The following PUM2 variants were observed in gnomAD, a reference collection of about 807,000 sequenced individuals.
PUM2 encodes pumilio homolog 2.
Under a neutral mutation model 124.5 loss-of-function variants are expected in PUM2, and 57 were observed. The observed-to-expected ratio is 0.46, with a 90% confidence interval of 0.37 to 0.57. PUM2 has a LOEUF of 0.57. PUM2 is among the 20% of genes least tolerant of loss of function. PUM2 has a pLI of 0.00. For missense variants in PUM2, 1,065 were observed against 1,290.6 expected, an observed-to-expected ratio of 0.83 and a Z score of 2.68; for synonymous variants, 460 against 446.1, an observed-to-expected ratio of 1.03 and a Z score of -0.39.
intron 13 of PUM2, among the ~76,000 whole-genome samples, chr2:20,265,178 G>C (rs1667350444): frequency 6.6e-6 from 1 of 151,684 alleles, no homozygotes; most frequent in Admixed American, 6.6e-5. Context: ...CTTGAACCCG[G>C]GATACGGAGG....
chr2:20,344,301 C>T (rs1687793588), intron 1 of PUM2, among the ~76,000 whole-genome samples: 1 of 152,174 alleles, frequency 6.6e-6, no homozygotes, highest in Admixed American at 6.5e-5. Flanking sequence ...TGCCTGAGCT[C>T]AAGCAGTCCA....
intron 1 of PUM2, 81 bp from the exon 2 acceptor site, chr2:20,327,459 C>A: frequency 1.2e-6 from 1 of 848,088 alleles, no homozygotes; most frequent in Non-Finnish European, 1.9e-6. Flanking sequence ...TATATTGCTG[C>A]TATGACTAAT....
intron 1 of PUM2, among the ~76,000 whole-genome samples, chr2:20,332,154 T>C (rs1270408585): frequency 6.6e-6 from 1 of 152,216 alleles, no homozygotes; most frequent in African/African-American, 2.4e-5. Context: ...TGCAGACCTC[T>C]GCTCTCATTC....
At chr2:20,255,877 T>C (rs989212479) in intron 17 of PUM2, among the ~76,000 whole-genome samples, 156 bp downstream of exon 17, 6 of 152,092 alleles carry the variant, frequency 3.9e-5, no homozygotes, top group African/African-American at 9.7e-5. Flanking sequence ...CTACTGACTA[T>C]GAAAGAGGAA....
At chr2:20,305,462 C>CAA (rs1558600560) in intron 7 of PUM2, among the ~76,000 whole-genome samples, 2 of 25,662 alleles carry the variant, frequency 7.8e-5, no homozygotes, top group Non-Finnish European at 7.8e-5. Flanking sequence ...ACCCTGTCTT[C>CAA]GAAAAAAAAA....
At position 20,251,518 on chromosome 2, in the gene PUM2, G is replaced by A; in HGVS notation, c.*67C>T. The A allele has an allele frequency of 6.8e-7, 1 of 1,473,366 alleles. No homozygotes were observed. The highest frequency in any genetic ancestry group is 9.2e-7 in the Non-Finnish European group (1 of 1,091,358). The allele number at this position is 1,473,366 out of a possible 1,614,324, so 91.3% of individuals were successfully genotyped here. A position where few individuals can be genotyped will look rare whatever the true frequency, so the allele number is the denominator to read the frequency against. ...AAGATTCATAGTTGAGTTGTGTTTTGATAATTCACACACAAAAAAATTCTT... is the reference window on the plus strand; with the variant it reads ...AAGATTCATAGTTGAGTTGTGTTTTAATAATTCACACACAAAAAAATTCTT... On this transcript the variant is annotated 3_prime_UTR_variant, in exon 21 of 21. Coordinates refer to ENST00000361078, the MANE Select transcript of PUM2 (RefSeq NM_015317.5).
At chr2:20,351,732 C>T (rs140198319), upstream of PUM2, among the ~76,000 whole-genome samples, 76 of 152,300 alleles carry the variant, frequency 5.0e-4, no homozygotes, top group Admixed American at 8.5e-4. Context: ...TTGCACAGCT[C>T]CTGGCTCTCC....
intron 2 of PUM2, among the ~76,000 whole-genome samples, chr2:20,326,071 T>C (rs1572942018): frequency 6.6e-6 from 1 of 152,216 alleles, no homozygotes. Context: ...AAAAGCCCTT[T>C]TCATCTGCCT....
chr2:20,290,822 A>C, intron 9 of PUM2, 32 bp from the exon 10 acceptor site: 1 of 1,466,904 alleles, frequency 6.8e-7, no homozygotes, highest in Non-Finnish European at 9.1e-7. Context: ...CTTAAAATCA[A>C]TATAAAATAA....
chr2:20,269,199 TAA>T (rs1176652510), intron 13 of PUM2, among the ~76,000 whole-genome samples: 2 of 151,710 alleles, frequency 1.3e-5, no homozygotes, highest in African/African-American at 4.8e-5. Context: ...TTAATAATAA[TAA>T]TAATTATTAT....
rs576357541 is a variant in PUM2 at position 20,320,620 on chromosome 2, T to C, written c.52-1975A>G. Among the ~76,000 whole-genome samples the C allele has an allele frequency of 1.4e-4, 22 of 152,208 alleles. 1 individual carries two copies. In the East Asian group the frequency reaches 3.9e-3, roughly 27 times the overall value. On this transcript the variant is annotated intron_variant, in intron 2 of 20. Transcript: ENST00000361078. ...TTTTTTAAAAAAAGTTTTTAAATGC[T>C]AGGATGGCCCTGGGCTGTAAATGAC...
intron 14 of PUM2, among the ~76,000 whole-genome samples, chr2:20,260,983 A>G (rs1666055825): frequency 6.6e-6 from 1 of 152,216 alleles, no homozygotes. Flanking sequence ...TGGTGGTCCC[A>G]TAAGATTATA....
At chr2:20,273,501 A>G (rs1008593595) in intron 13 of PUM2, among the ~76,000 whole-genome samples, 2 of 152,242 alleles carry the variant, frequency 1.3e-5, no homozygotes, top group Admixed American at 6.5e-5. Context: ...AATGTTATTA[A>G]AGGATAATAA....
chr2:20,266,028 C>T (rs534694157), intron 13 of PUM2, among the ~76,000 whole-genome samples: 1 of 152,232 alleles, frequency 6.6e-6, no homozygotes, highest in African/African-American at 2.4e-5. Flanking sequence ...TCTATCAGCT[C>T]CTAACAACAG....
intron 12 of PUM2, among the ~76,000 whole-genome samples, chr2:20,280,545 C>T (rs1163316957): frequency 6.6e-6 from 1 of 152,134 alleles, no homozygotes. Context: ...AAGACAACAG[C>T]TCTAATAAGA....
At chr2:20,304,779 T>C (rs1414880585) in intron 7 of PUM2, among the ~76,000 whole-genome samples, 3 of 152,234 alleles carry the variant, frequency 2.0e-5, no homozygotes, top group Non-Finnish European at 4.4e-5. Context: ...AAGAAAAGAA[T>C]GCAAAAATTC....
intron 14 of PUM2, among the ~76,000 whole-genome samples, chr2:20,261,730 C>G (rs1043502550): frequency 6.6e-6 from 1 of 151,916 alleles, no homozygotes; most frequent in Non-Finnish European, 1.5e-5. Flanking sequence ...TGTCTTAGTT[C>G]TTAACAAAAA....
intron 17 of PUM2, 65 bp from the exon 18 acceptor site, chr2:20,255,406 G>C: frequency 6.9e-7 from 1 of 1,455,074 alleles, no homozygotes; most frequent in East Asian, 2.4e-5. Context: ...CTATGAAGCA[G>C]ACTGGTTTGT....
intron 10 of PUM2, among the ~76,000 whole-genome samples, chr2:20,288,794 TTCA>T (rs1029616753): frequency 3.3e-5 from 5 of 152,186 alleles, no homozygotes; most frequent in Non-Finnish European, 5.9e-5. Context: ...TGAGAATTAT[TTCA>T]TCATCATAGT....
Sources: gnomAD v4.1 joint callset for allele counts (sites outside exome capture counted in the v4.1 genomes callset) on GRCh38, gnomAD v4.1.1 for gene constraint, MANE v1.5 for transcripts, NCBI Gene and HGNC (gene_info 2026-07-23, HGNC 2026-07-21) for gene names.